The following FRY variants were observed in gnomAD, a reference collection of about 807,000 sequenced individuals.
The protein encoded by FRY is protein furry homolog.
FRY carries 128 observed loss-of-function variants against 348.4 expected under a neutral mutation model. The ratio of observed to expected loss-of-function variants is 0.37; its 90% CI spans 0.32 to 0.43. The LOEUF (loss-of-function observed/expected upper bound fraction) is 0.43. Among genes scored for constraint, FRY ranks in the 20% least tolerant of loss-of-function variants. The pLI is 1.00. For missense variants in FRY, 2,736 were observed against 3,695.2 expected (o/e 0.74, Z 6.73); for synonymous variants, 1,370 against 1,374.7 (o/e 1.00, Z 0.08).
intron 1 of FRY, among the ~76,000 whole-genome samples, chr13:32,038,874 A>T (rs1044470014): frequency 2.0e-5 from 3 of 152,210 alleles, no homozygotes; most frequent in African/African-American, 7.2e-5. Context: ...ACTGAGCATC[A>T]ACTAAGCACA....
At chr13:32,176,766 G>A (rs535908675) in intron 20 of FRY, among the ~76,000 whole-genome samples, 1 of 152,196 alleles carries the variant, frequency 6.6e-6, no homozygotes, top group Non-Finnish European at 1.5e-5. Flanking sequence ...ACTGCAGTTA[G>A]GAAGATATAC....
At chr13:32,268,505 A>AAAAAAAAAAATATATATATATATATAT (rs1555273232) in intron 55 of FRY, among the ~76,000 whole-genome samples, 1 of 28,306 alleles carries the variant, frequency 3.5e-5, no homozygotes, top group African/African-American at 9.3e-5. Context: ...AAAAAAAAAA[A>AAAAAAAAAAATATATATATATATATAT]ATATATATAT....
intron 36 of FRY, among the ~76,000 whole-genome samples, chr13:32,219,436 A>G (rs942247060): frequency 4.7e-5 from 7 of 148,534 alleles, no homozygotes; most frequent in African/African-American, 1.7e-4. Context: ...AGCTGGGGAA[A>G]ATACACTAAG....
At chr13:32,292,143 CAGCTAATTTTTGTATTTTT>C (rs1315067053) in intron 59 of FRY, 1 of 311,120 alleles carries the variant, frequency 3.2e-6, no homozygotes, top group African/African-American at 2.2e-5. Flanking sequence ...CCACCATGCC[CAGCTAATTTTTGTATTTTT>C]AGTGGAGACG....
intron 17 of FRY, among the ~76,000 whole-genome samples, chr13:32,170,065 C>G (rs1010693823): frequency 6.6e-6 from 1 of 152,088 alleles, no homozygotes. Context: ...GTACCACACC[C>G]CAAGGTGCAC....
intron 16 of FRY, among the ~76,000 whole-genome samples, chr13:32,158,211 A>G (rs1383404987): frequency 2.0e-5 from 3 of 152,214 alleles, no homozygotes; most frequent in Non-Finnish European, 1.5e-5. Flanking sequence ...ATTATTTAAA[A>G]TATGTATTTG....
At chr13:32,281,204 G>T (rs9567532) in intron 58 of FRY, among the ~76,000 whole-genome samples, 1 of 152,162 alleles carries the variant, frequency 6.6e-6, no homozygotes, top group Non-Finnish European at 1.5e-5. Context: ...GTAGAAAGAA[G>T]AAACTAATGT....
At chr13:32,268,505 AAT>A (rs869298149) in intron 55 of FRY, among the ~76,000 whole-genome samples, 768 of 27,814 alleles carry the variant, frequency 0.028, 9 homozygotes, top group Middle Eastern at 0.056. Flanking sequence ...AAAAAAAAAA[AAT>A]ATATATATAT....
chr13:32,286,232 C>T (rs1320765804), intron 58 of FRY, among the ~76,000 whole-genome samples: 1 of 152,072 alleles, frequency 6.6e-6, no homozygotes, highest in Admixed American at 6.5e-5. Flanking sequence ...CCGATGATAA[C>T]TCAGATACTT....
intron 1 of FRY, among the ~76,000 whole-genome samples, chr13:32,054,767 C>T (rs1323044204): frequency 6.6e-6 from 1 of 152,014 alleles, no homozygotes; most frequent in East Asian, 1.9e-4. Context: ...CCCAGCTACT[C>T]GGGAGGCTGA....
At chr13:32,073,668 T>C (rs1874821762) in intron 1 of FRY, among the ~76,000 whole-genome samples, 1 of 152,192 alleles carries the variant, frequency 6.6e-6, no homozygotes, top group Non-Finnish European at 1.5e-5. Context: ...TCCCAGTGCC[T>C]GGAACAGTGC....
chr13:32,199,050 T>C (rs537959867), intron 29 of FRY, among the ~76,000 whole-genome samples: 40 of 152,332 alleles, frequency 2.6e-4, no homozygotes, highest in African/African-American at 8.7e-4. Context: ...GGAAATAGAC[T>C]GAGATGGATA....
chr13:32,058,031 G>A (rs567494523), intron 1 of FRY, among the ~76,000 whole-genome samples: 1 of 152,216 alleles, frequency 6.6e-6, no homozygotes, highest in East Asian at 1.9e-4. Context: ...AAACTTTTAT[G>A]AATATTAGAT....
chr13:32,213,882 C>T (rs890142519), intron 35 of FRY, among the ~76,000 whole-genome samples: 1 of 152,218 alleles, frequency 6.6e-6, no homozygotes, highest in Non-Finnish European at 1.5e-5. Flanking sequence ...GATCACAGAA[C>T]ATCTTCAAGA....
At chr13:32,256,962 TTG>T (rs2138527716) in intron 51 of FRY, among the ~76,000 whole-genome samples, 1 of 152,316 alleles carries the variant, frequency 6.6e-6, no homozygotes, top group Non-Finnish European at 1.5e-5. Flanking sequence ...AGTCAAAACT[TTG>T]TTTCATGCAC....
intron 51 of FRY, 134 bp from the exon 52 acceptor site, chr13:32,261,482 T>G: frequency 1.2e-6 from 1 of 839,412 alleles, no homozygotes; most frequent in Non-Finnish European, 2.1e-6. Context: ...ACAAAAGTTT[T>G]GATACCAAAG....
chr13:32,170,331 A>G (rs1459365712), intron 17 of FRY, among the ~76,000 whole-genome samples: 1 of 152,218 alleles, frequency 6.6e-6, no homozygotes, highest in Non-Finnish European at 1.5e-5. Context: ...TCTGAAACAG[A>G]AAAAGGACAT....
Position 32,244,025 on chromosome 13 carries a change from G to C in FRY, c.6688-17G>C, listed in dbSNP as rs531586495. The C allele has an allele frequency of 1.9e-6, 3 of 1,612,546 alleles. No individual in the cohort carries two copies. The highest frequency in any genetic ancestry group is 3.3e-5 in the Admixed American group (2 of 59,966). ...ATCTGGTGTGTGACTGACTCCAGCC[G>C]CACTTTGCCCCCACAGCTGCTGGAG... On this transcript the variant is annotated splice_polypyrimidine_tract_variant and intron_variant, in intron 46 of 60. Transcript: ENST00000542859.
Position 32,239,643 on chromosome 13 carries a change from A to G in FRY, c.6517-68A>G, listed in dbSNP as rs934516036. The G allele has an allele frequency of 3.6e-5, 41 of 1,144,260 alleles. No homozygotes were observed. The highest frequency in any genetic ancestry group is 4.6e-5 in the African/African-American group (3 of 65,412). 70.9% of individuals were successfully genotyped at this position (1,144,260 alleles called of 1,614,324 possible). ...TTTCCAGATGGCCAGAGCTTATAGT[A>G]AAATTGCTAACATTTCTTCCTATTC... is the stretch of plus-strand genomic sequence containing the variant. On this transcript the variant is annotated intron_variant, in intron 45 of 60. Transcript: ENST00000542859. The surrounding 1 kb of genome is among the most constrained non-coding windows in gnomAD (Gnocchi z 4.3).
Sources: gnomAD v4.1 joint callset for allele counts (sites outside exome capture counted in the v4.1 genomes callset) on GRCh38, gnomAD v4.1.1 for gene constraint, Gnocchi (gnomAD v3.1) non-coding constraint, MANE v1.5 for transcripts, NCBI Gene and HGNC (gene_info 2026-07-23, HGNC 2026-07-21) for gene names.